The following DCUN1D5 variants were observed in gnomAD, a reference collection of about 807,000 sequenced individuals.
DCUN1D5 encodes the protein DCN1-like protein 5.
In DCUN1D5, 10 loss-of-function variants were observed where a neutral mutation model predicts 38.3. The ratio of observed to expected loss-of-function variants is 0.26; its 90% CI spans 0.16 to 0.44. The LOEUF is 0.44. DCUN1D5 is among the 20% of genes least tolerant of loss of function. The pLI is 1.00. For synonymous variants in DCUN1D5, 93 were observed against 90.9 expected (o/e 1.02, Z -0.13); for missense variants, 148 against 275.3 (o/e 0.54, Z 3.27).
At position 103,066,712 on chromosome 11, in the gene DCUN1D5, G is replaced by A; in HGVS notation, c.342-145C>T. ...TTTAAAATTCTGAGTCACAAATTTAGAGTAATAAATTTCTTGCCCTGCATC... is the reference window on the plus strand; with the variant it reads ...TTTAAAATTCTGAGTCACAAATTTAAAGTAATAAATTTCTTGCCCTGCATC... On this transcript the variant is annotated intron_variant, in intron 4 of 7. Coordinates refer to ENST00000260247, the MANE Select transcript of DCUN1D5 (RefSeq NM_032299.4). This position sits in a 1 kb window ranked among gnomAD's most constrained non-coding sequence, Gnocchi z 4.7. 2.0e-6 allele frequency: 1 copy of A among 501,736 alleles called. No individual in the cohort carries two copies. Among genetic ancestry groups the A allele is most frequent in the South Asian group, 3.7e-5 (1 of 27,092 alleles). The allele number at this position is 501,736 out of a possible 1,614,324, so 31.1% of individuals were successfully genotyped here.
At position 103,086,708 on chromosome 11, in the gene DCUN1D5, C is replaced by G. The variant is rs1030170962; in HGVS notation, c.178+2519G>C. The stretch of plus-strand genomic sequence containing the variant: ...GTCTGACTTGCTCAGCACTATATAT[C>G]CAGCACTCAGCACAGTGCCTGACTC... On this transcript the variant is annotated intron_variant, in intron 2 of 7. Transcript: ENST00000260247. The surrounding 1 kb of genome is among the most constrained non-coding windows in gnomAD (Gnocchi z 4.1). Among the ~76,000 whole-genome samples the G allele has an allele frequency of 6.6e-6, 1 of 152,136 alleles. No homozygotes were observed. Among genetic ancestry groups the G allele is most frequent in the African/African-American group, 2.4e-5 (1 of 41,428 alleles).
Position 103,057,223 on chromosome 11 carries a change from G to A in DCUN1D5, c.*5136C>T, listed in dbSNP as rs1263528942. Among the ~76,000 whole-genome samples, 1 of 152,134 alleles carries A rather than the reference G, an allele frequency of 6.6e-6. No individual in the cohort carries two copies. Among genetic ancestry groups the A allele is most frequent in the Non-Finnish European group, 1.5e-5 (1 of 68,018 alleles). The stretch of plus-strand genomic sequence containing the variant: ...AAGTATATAAACTAACTTCACTTAA[G>A]TCAATACTCACAAGTTAATTCTGCT... On this transcript the variant is annotated 3_prime_UTR_variant, in exon 8 of 8. Transcript: ENST00000260247. The surrounding 1 kb of genome is among the most constrained non-coding windows in gnomAD (Gnocchi z 4.8).
Position 103,077,466 on chromosome 11 carries a change from A to G in DCUN1D5, c.341+5282T>C, listed in dbSNP as rs1043704388. 1.3e-5 allele frequency among the ~76,000 whole-genome samples: 2 copies of G among 152,206 alleles called. No homozygotes were observed. Among genetic ancestry groups the G allele is most frequent in the Non-Finnish European group, 2.9e-5 (2 of 68,028 alleles). Reference sequence around the variant, plus strand: ...AGAGATAGTTTTCCAAATAACAACCAAATAAAACCACACAGATTTGAGGGA... The same window carrying G: ...AGAGATAGTTTTCCAAATAACAACCGAATAAAACCACACAGATTTGAGGGA... On this transcript the variant is annotated intron_variant, in intron 4 of 7. Coordinates refer to ENST00000260247, the MANE Select transcript of DCUN1D5 (RefSeq NM_032299.4). The surrounding 1 kb of genome is among the most constrained non-coding windows in gnomAD (Gnocchi z 4.3).
rs148676596 is a variant in DCUN1D5 at position 103,088,380 on chromosome 11, A to G, written c.178+847T>C. 4.6e-3 allele frequency among the ~76,000 whole-genome samples: 696 copies of G among 152,362 alleles called. 5 individuals are homozygous for G. Among genetic ancestry groups the G allele is most frequent in the African/African-American group, 0.016 (646 of 41,586 alleles). On this transcript the variant is annotated intron_variant, in intron 2 of 7. Transcript: ENST00000260247. ...CTTTAAAATCAATAACTCCAAAAAAACAAAACTATTCTAAGGGGAAAAAAA... is the reference window on the plus strand; with the variant it reads ...CTTTAAAATCAATAACTCCAAAAAAGCAAAACTATTCTAAGGGGAAAAAAA...
chr11:103,059,606 T>C lies in DCUN1D5; in HGVS notation c.*2753A>G, dbSNP rs186951124. Among the ~76,000 whole-genome samples, 488 of 152,182 alleles carry C rather than the reference T, an allele frequency of 3.2e-3. No individual in the cohort carries two copies. The highest frequency in any genetic ancestry group is 5.3e-3 in the Non-Finnish European group (358 of 67,998). ...GCAGCATTTAAGAAATAAGAAATCA[T>C]TAGACAATAGAAGACAAACATGGTA... On this transcript the variant is annotated 3_prime_UTR_variant, in exon 8 of 8. Transcript: ENST00000260247.
chr11:103,065,570 A>G lies in DCUN1D5; in HGVS notation c.555+699T>C, dbSNP rs1251293045. ...AGGAAAAAGCATCTGTATTCAAGAT[A>G]TGGTGAGAACTATACCAATAACCCT... On this transcript the variant is annotated intron_variant, in intron 6 of 7. Transcript: ENST00000260247. The surrounding 1 kb of genome is among the most constrained non-coding windows in gnomAD (Gnocchi z 4.6). Among the ~76,000 whole-genome samples the G allele has an allele frequency of 1.3e-5, 2 of 152,206 alleles. No individual in the cohort carries two copies. The highest frequency in any genetic ancestry group is 2.9e-5 in the Non-Finnish European group (2 of 68,024).
rs1265470609 is a variant in DCUN1D5 at position 103,053,442 on chromosome 11, G to GA, written c.*8916dup. 1 of 152,072 alleles carries GA rather than the reference G, an allele frequency of 6.6e-6. No individual in the cohort carries two copies. Among genetic ancestry groups the GA allele is most frequent in the African/African-American group, 2.4e-5 (1 of 41,430 alleles). The allele number at this position is 152,072 out of a possible 1,614,324, so 9.4% of individuals were successfully genotyped here. ...GACCTGGTGTTCGATATATCAGTAG[G>GA]ATGACTGATCTATTAACACTAAACT... On this transcript the variant is annotated 3_prime_UTR_variant, in exon 8 of 8. Coordinates refer to ENST00000260247, the MANE Select transcript of DCUN1D5 (RefSeq NM_032299.4). This position sits in a 1 kb window ranked among gnomAD's most constrained non-coding sequence, Gnocchi z 4.8.
chr11:103,062,071 A>T lies in DCUN1D5; in HGVS notation c.*288T>A. ...AATACCACTCTGACACTCAAGGGAC[A>T]TCTTCACTTTAAGGCCTTTGTCACA... On this transcript the variant is annotated 3_prime_UTR_variant, in exon 8 of 8. Coordinates refer to ENST00000260247, the MANE Select transcript of DCUN1D5 (RefSeq NM_032299.4). This position sits in a 1 kb window ranked among gnomAD's most constrained non-coding sequence, Gnocchi z 4.6. The T allele has an allele frequency of 3.0e-6, 1 of 335,756 alleles. No individual in the cohort carries two copies. The highest frequency in any genetic ancestry group is 5.4e-6 in the Non-Finnish European group (1 of 186,670). The allele number at this position is 335,756 out of a possible 1,614,324, so 20.8% of individuals were successfully genotyped here.
In DCUN1D5 at chr11:103,061,041, C is replaced by A. The variant is rs1318512361; in HGVS notation, c.*1318G>T. On this transcript the variant is annotated 3_prime_UTR_variant, in exon 8 of 8. Coordinates refer to ENST00000260247, the MANE Select transcript of DCUN1D5 (RefSeq NM_032299.4). Reference sequence around the variant, plus strand: ...AATCTTATTAAGAAGGCAAGTAAAACAGTGGCAATCATTTTTTTCCCAGCT... The same window carrying A: ...AATCTTATTAAGAAGGCAAGTAAAAAAGTGGCAATCATTTTTTTCCCAGCT... 6.6e-6 allele frequency among the ~76,000 whole-genome samples: 1 copy of A among 152,098 alleles called. No homozygotes were observed. The highest frequency in any genetic ancestry group is 1.5e-5 in the Non-Finnish European group (1 of 67,980).
Position 103,062,066 on chromosome 11 carries a change from G to C in DCUN1D5, c.*293C>G. ...AAATAAATACCACTCTGACACTCAA[G>C]GGACATCTTCACTTTAAGGCCTTTG... is the stretch of plus-strand genomic sequence containing the variant. On this transcript the variant is annotated 3_prime_UTR_variant, in exon 8 of 8. Transcript: ENST00000260247. This position sits in a 1 kb window ranked among gnomAD's most constrained non-coding sequence, Gnocchi z 4.6. The C allele has an allele frequency of 3.1e-6, 1 of 326,368 alleles. No homozygotes were observed. The highest frequency in any genetic ancestry group is 5.5e-6 in the Non-Finnish European group (1 of 180,898). 20.2% of individuals were successfully genotyped at this position (326,368 alleles called of 1,614,324 possible). A position where few individuals can be genotyped will look rare whatever the true frequency, so the allele number is the denominator to read the frequency against.
Position 103,082,780 on chromosome 11 carries a change from C to T in DCUN1D5, c.309G>A (p.Lys103=), listed in dbSNP as rs763104104. Residue 103 remains lysine, a synonymous_variant, in exon 4 of 8, where the codon AAG becomes AAA. Transcript: ENST00000260247. The stretch of plus-strand genomic sequence containing the variant: ...AAGTCATTCCCTTTAACCATTCTTC[C>T]TTGGTAAAAAATCCCATGCTTTCAG... ...LEAESMGFFT[K]EEWLKGMTSL... is the part of the protein sequence containing the mutation. 1 of 1,612,908 alleles carries T rather than the reference C, an allele frequency of 6.2e-7. No individual in the cohort carries two copies.
chr11:103,055,874 A>T lies in DCUN1D5; in HGVS notation c.*6485T>A, dbSNP rs576729265. On this transcript the variant is annotated 3_prime_UTR_variant, in exon 8 of 8. Coordinates refer to ENST00000260247, the MANE Select transcript of DCUN1D5 (RefSeq NM_032299.4). ...ACATTTTCCTTTGGACGTCTGACAG[A>T]CAAGTCTACCATAACATATCCAAAA... The T allele has an allele frequency of 1.3e-5, 2 of 152,330 alleles. No individual in the cohort carries two copies. The highest frequency in any genetic ancestry group is 4.1e-4 in the South Asian group (2 of 4,824). 9.4% of individuals were successfully genotyped at this position (152,330 alleles called of 1,614,324 possible).
chr11:103,059,314 A>C lies in DCUN1D5; in HGVS notation c.*3045T>G, dbSNP rs921788938. Among the ~76,000 whole-genome samples the C allele has an allele frequency of 6.6e-6, 1 of 152,100 alleles. No homozygotes were observed. The highest frequency in any genetic ancestry group is 2.4e-5 in the African/African-American group (1 of 41,408). ...ATTCCACATACCTTGTATGCCTTGA[A>C]AACTCTGGAGTTATCTCAGAATTTA... On this transcript the variant is annotated 3_prime_UTR_variant, in exon 8 of 8. Transcript: ENST00000260247.
chr11:103,076,058 T>C (rs545035564), intron 4 of DCUN1D5, among the ~76,000 whole-genome samples: 2 of 152,328 alleles, frequency 1.3e-5, no homozygotes, highest in South Asian at 4.1e-4. Context: ...ACATCTTTCA[T>C]ACAAAATCTC....
Position 103,077,202 on chromosome 11 carries a change from A to AT in DCUN1D5, c.341+5545dup, listed in dbSNP as rs1565289907. Among the ~76,000 whole-genome samples the AT allele has an allele frequency of 6.6e-6, 1 of 152,086 alleles. No homozygotes were observed. Among genetic ancestry groups the AT allele is most frequent in the Non-Finnish European group, 1.5e-5 (1 of 68,004 alleles). On this transcript the variant is annotated intron_variant, in intron 4 of 7. Coordinates refer to ENST00000260247, the MANE Select transcript of DCUN1D5 (RefSeq NM_032299.4). The surrounding 1 kb of genome is among the most constrained non-coding windows in gnomAD (Gnocchi z 4.3). ...GAGACTGAGCAAGACGCCGTCTCAA[A>AT]TAAAAAAAAAAGAATAAGAGCACAA...
At position 103,078,938 on chromosome 11, in the gene DCUN1D5, T is replaced by C. The variant is rs1862479435; in HGVS notation, c.341+3810A>G. On this transcript the variant is annotated intron_variant, in intron 4 of 7. Coordinates refer to ENST00000260247, the MANE Select transcript of DCUN1D5 (RefSeq NM_032299.4). The surrounding 1 kb of genome is among the most constrained non-coding windows in gnomAD (Gnocchi z 4.6). ...TATTTCCACTCTAGCACATGTCACG[T>C]TCTCCTTGGTTTATGGTTACAGCAA... 6.6e-6 allele frequency among the ~76,000 whole-genome samples: 1 copy of C among 152,200 alleles called. No homozygotes were observed. The highest frequency in any genetic ancestry group is 1.5e-5 in the Non-Finnish European group (1 of 68,034).
At chr11:103,079,351 T>C (rs1014480322) in intron 4 of DCUN1D5, among the ~76,000 whole-genome samples, 3 of 152,218 alleles carry the variant, frequency 2.0e-5, no homozygotes, top group Admixed American at 6.5e-5. Flanking sequence ...GGACAAAAGC[T>C]GCATCTTATT....
rs888113645 is a variant in DCUN1D5, at chr11:103,078,590, G to C, written c.341+4158C>G. 6.6e-6 allele frequency among the ~76,000 whole-genome samples: 1 copy of C among 152,204 alleles called. No homozygotes were observed. Among genetic ancestry groups the C allele is most frequent in the Non-Finnish European group, 1.5e-5 (1 of 68,042 alleles). On this transcript the variant is annotated intron_variant, in intron 4 of 7. Transcript: ENST00000260247. The surrounding 1 kb of genome is among the most constrained non-coding windows in gnomAD (Gnocchi z 4.6). Reference sequence around the variant, plus strand: ...AATCTCTGATGGTTTCCCAATATCTGTAACATAGATTTAAACTCTCTCAAC... The same window carrying C: ...AATCTCTGATGGTTTCCCAATATCTCTAACATAGATTTAAACTCTCTCAAC...
rs1477479873 is a variant in DCUN1D5 at position 103,055,019 on chromosome 11, A to G, written c.*7340T>C. 2 of 152,126 alleles carry G rather than the reference A, an allele frequency of 1.3e-5. No homozygotes were observed. The highest frequency in any genetic ancestry group is 2.9e-5 in the Non-Finnish European group (2 of 68,012). The allele number at this position is 152,126 out of a possible 1,614,324, so 9.4% of individuals were successfully genotyped here. ...TAGATTTCTTTTTTTTGATCTTTGA[A>G]TATTTGCATATTCATAATAAGATAC... On this transcript the variant is annotated 3_prime_UTR_variant, in exon 8 of 8. Transcript: ENST00000260247.
Sources: gnomAD v4.1 joint callset for allele counts (sites outside exome capture counted in the v4.1 genomes callset) on GRCh38, gnomAD v4.1.1 for gene constraint, Gnocchi (gnomAD v3.1) non-coding constraint, MANE v1.5 for transcripts, NCBI Gene and HGNC (gene_info 2026-07-23, HGNC 2026-07-21) for gene names.